ALAD: variants seen among roughly 807,000 people sequenced by gnomAD.
The protein encoded by ALAD is delta-aminolevulinic acid dehydratase.
ALAD carries 20 observed loss-of-function variants against 44.4 expected under a neutral mutation model. That is an observed-to-expected ratio of 0.45 (90% CI 0.32 to 0.65). The LOEUF (loss-of-function observed/expected upper bound fraction) is 0.65, where lower values mean the gene tolerates loss of function less well. Ranked by LOEUF, ALAD falls within the 30% of genes least tolerant of loss-of-function variation. The pLI, the probability that ALAD is intolerant of heterozygous loss-of-function variation, is 0.05. For synonymous variants in ALAD, 156 were observed against 167.9 expected, an observed-to-expected ratio of 0.93 and a Z score of 0.55; for missense variants, 323 against 445.7, an observed-to-expected ratio of 0.72 and a Z score of 2.48.
At chr9:113,391,351 C>T (rs1328179837) in intron 4 of ALAD, among the ~76,000 whole-genome samples, 176 bp downstream of exon 4, 1 of 152,160 alleles carries the variant, frequency 6.6e-6, no homozygotes, top group Non-Finnish European at 1.5e-5. Flanking sequence ...ACTACAGGCA[C>T]ATACCCCCAC....
chr9:113,390,564 G>T (rs1827547006), intron 6 of ALAD, 29 bp downstream of exon 6: 3 of 1,613,992 alleles, frequency 1.9e-6, no homozygotes, highest in Non-Finnish European at 2.5e-6. Context: ...TGACCCAGAG[G>T]TGCCCATCCC....
chr9:113,393,560 G>A lies in ALAD; in HGVS notation c.-1C>T. ...TGTGCAGAACGGACTGGGGCTGCAT[G>A]GCGTGGGCCAGTGGGCACAGGGGCA... is the stretch of plus-strand genomic sequence containing the variant. On this transcript the variant is annotated 5_prime_UTR_variant, in exon 2 of 12. Coordinates refer to ENST00000409155, the MANE Select transcript of ALAD (RefSeq NM_000031.6). 1.2e-6 allele frequency: 2 copies of A among 1,612,752 alleles called. No homozygotes were observed. The highest frequency in any genetic ancestry group is 1.7e-6 in the Non-Finnish European group (2 of 1,179,592).
At chr9:113,391,106 C>A (rs1827570000) in intron 4 of ALAD, among the ~76,000 whole-genome samples, 173 bp from the exon 5 acceptor site, 1 of 152,192 alleles carries the variant, frequency 6.6e-6, no homozygotes. Context: ...AGGGCAAAGA[C>A]CACGTCCATT....
Position 113,393,520 on chromosome 9 carries a change from G to T in ALAD, c.40C>A (p.Pro14Thr). The T allele has an allele frequency of 2.5e-6, 4 of 1,614,010 alleles. No individual in the cohort carries two copies. In the South Asian group the frequency reaches 4.4e-5, roughly 18 times the overall value. The stretch of plus-strand genomic sequence containing the variant: ...GCTGTCTGCCAGGCCCGAAGTAGTG[G>T]GTGGAAGTAGCCGCTGTGCAGAACG... ...QSVLHSGYFH[P>T]LLRAWQTATT... The change falls in exon 2 of 12, where the codon CCA (proline) becomes ACA (threonine). Residue 14 changes from proline to threonine, a missense_variant. Transcript: ENST00000409155.
At chr9:113,400,494 GGACTAGAACC>G (rs890292096) in intron 1 of ALAD, among the ~76,000 whole-genome samples, 5 of 152,152 alleles carry the variant, frequency 3.3e-5, no homozygotes, top group African/African-American at 9.7e-5. Flanking sequence ...TAGTAAATGG[GGACTAGAACC>G]GACCTCAATG....
At position 113,390,507 on chromosome 9, in the gene ALAD, G is replaced by A. The variant is rs1827544627; in HGVS notation, c.482-14C>T. 1.2e-6 allele frequency: 2 copies of A among 1,613,878 alleles called. No homozygotes were observed. The highest frequency in any genetic ancestry group is 1.3e-5 in the African/African-American group (1 of 74,890). ...CCACCTGACATCCTGGGGGGCAGAG[G>A]GTGGCCTTCAGAACTCTGGGGCCCT... On this transcript the variant is annotated splice_polypyrimidine_tract_variant and intron_variant, in intron 6 of 11. Transcript: ENST00000409155.
chr9:113,399,150 T>C (rs1038523264), intron 1 of ALAD, among the ~76,000 whole-genome samples: 1 of 152,224 alleles, frequency 6.6e-6, no homozygotes, highest in African/African-American at 2.4e-5. Context: ...GTTTGGTCTA[T>C]GCTCTGCTGT....
intron 1 of ALAD, 42 bp from the exon 2 acceptor site, chr9:113,393,676 C>T: frequency 1.2e-6 from 1 of 808,702 alleles, no homozygotes. Flanking sequence ...TGGTCCCTGT[C>T]CTCAGGAGAT....
chr9:113,392,396 A>G, intron 2 of ALAD: 1 of 1,296,852 alleles, frequency 7.7e-7, no homozygotes, highest in Non-Finnish European at 1.0e-6. Flanking sequence ...GTACTAAAAG[A>G]ACGGTAATTA....
chr9:113,397,143 C>T (rs818684), intron 1 of ALAD: 28,412 of 152,086 alleles, frequency 0.19, 2,890 homozygotes, highest in African/African-American at 0.25. Context: ...AGTCAGATGT[C>T]GAAGCCAGGT....
intron 6 of ALAD, 23 bp from the exon 7 acceptor site, chr9:113,390,516 C>T (rs1827544909): frequency 6.2e-7 from 1 of 1,614,028 alleles, no homozygotes. Flanking sequence ...GGGTGGCCTT[C>T]AGAACTCTGG....
intron 11 of ALAD, 53 bp downstream of exon 11, chr9:113,388,924 T>G (rs1827482751): frequency 1.2e-6 from 2 of 1,613,098 alleles, no homozygotes; most frequent in South Asian, 1.1e-5. Context: ...CTAGGCAGAG[T>G]GCTTATCAGT....
At chr9:113,393,942 CTCT>C (rs1001940001) in intron 1 of ALAD, among the ~76,000 whole-genome samples, 30 of 151,146 alleles carry the variant, frequency 2.0e-4, no homozygotes, top group African/African-American at 7.0e-4. Flanking sequence ...AAAAAAAATT[CTCT>C]TCTTTTTTTT....
chr9:113,389,966 T>C (rs891982366), intron 7 of ALAD, 138 bp from the exon 8 acceptor site: 1 of 1,047,742 alleles, frequency 9.5e-7, no homozygotes, highest in Non-Finnish European at 1.4e-6. Context: ...GGGCTTGATT[T>C]CCCTGCAGAG....
Position 113,389,320 on chromosome 9 carries a change from G to A in ALAD, c.801+118C>T, listed in dbSNP as rs556420997. Reference sequence around the variant, plus strand: ...AAGGCCACGATGGTTCCTGGGCAGGGAAGGGGAGGAGAGGATGCATGCTTA... The same window carrying A: ...AAGGCCACGATGGTTCCTGGGCAGGAAAGGGGAGGAGAGGATGCATGCTTA... On this transcript the variant is annotated intron_variant, in intron 10 of 11. Transcript: ENST00000409155. 214 of 1,352,530 alleles carry A rather than the reference G, an allele frequency of 1.6e-4. 3 individuals are homozygous for A. The South Asian group carries it at 2.5e-3, about 16-fold the overall frequency. The allele number at this position is 1,352,530 out of a possible 1,614,324, so 83.8% of individuals were successfully genotyped here.
At chr9:113,390,701 G>C (rs1321796667) in intron 5 of ALAD, 25 bp from the exon 6 acceptor site, 2 of 1,610,656 alleles carry the variant, frequency 1.2e-6, no homozygotes, top group Non-Finnish European at 1.7e-6. Context: ...ACTGGGTTTT[G>C]GGGAGCACCT....
chr9:113,388,856 T>C, intron 11 of ALAD, 121 bp downstream of exon 11: 1 of 1,460,520 alleles, frequency 6.8e-7, no homozygotes, highest in African/African-American at 1.4e-5. Context: ...TGTGTCTGTT[T>C]AGATCACTAG....
At chr9:113,391,737 G>A (rs914352386) in intron 3 of ALAD, 114 bp from the exon 4 acceptor site, 2 of 848,986 alleles carry the variant, frequency 2.4e-6, no homozygotes, top group Non-Finnish European at 3.9e-6. Flanking sequence ...GGCACCAGGA[G>A]GGCTCAAGCC....
intron 1 of ALAD, among the ~76,000 whole-genome samples, chr9:113,394,347 G>A (rs1459916867): frequency 6.6e-6 from 1 of 151,420 alleles, no homozygotes; most frequent in Non-Finnish European, 1.5e-5. Flanking sequence ...AGACCAGCCT[G>A]GGCAACATGG....
Sources: allele counts gnomAD v4.1 joint callset (sites outside exome capture counted in the v4.1 genomes callset), GRCh38; gene constraint gnomAD v4.1.1; transcripts MANE v1.5; gene names NCBI Gene and HGNC (gene_info 2026-07-23, HGNC 2026-07-21).